POLQ: variants seen among roughly 807,000 people sequenced by gnomAD.
POLQ encodes DNA polymerase theta.
In POLQ, 233 loss-of-function variants were observed where a neutral mutation model predicts 259.2. That is an observed-to-expected ratio of 0.90 (90% CI 0.81 to 1.00). POLQ has a LOEUF of 1.00. Among genes scored for constraint, POLQ ranks in the 50% least tolerant of loss-of-function variants. The probability of loss-of-function intolerance (pLI) is 0.00; values close to 1 mark genes in which losing one functional copy is unlikely to be tolerated. For synonymous variants in POLQ, 1,025 were observed against 1,048.8 expected, an observed-to-expected ratio of 0.98 and a Z score of 0.44; for missense variants, 2,871 against 3,051.6, an observed-to-expected ratio of 0.94 and a Z score of 1.39.
intron 24 of POLQ, among the ~76,000 whole-genome samples, chr3:121,463,745 T>C (rs2047812250): frequency 6.6e-6 from 1 of 152,230 alleles, no homozygotes; most frequent in Admixed American, 6.5e-5. Context: ...GACAATGCTC[T>C]AGCTTTGTCA....
In POLQ at chr3:121,460,060, T is replaced by C. The variant is rs1405309744; in HGVS notation, c.7142A>G (p.Gln2381Arg). 6.2e-7 allele frequency: 1 copy of C among 1,613,560 alleles called. No individual in the cohort carries two copies. The highest frequency in any genetic ancestry group is 8.5e-7 in the Non-Finnish European group (1 of 1,179,616). ...GTTCACTAAAATCACCTGTTTTGCC[T>C]GCTGCCTCAGATCATCCCCAACAGA... ...PESVGDDLRQ[Q>R]AKQICYGIIY... Residue 2381 changes from glutamine to arginine, a missense_variant, in exon 25 of 30, where the codon CAG (glutamine) becomes CGG (arginine). Around this residue, in one of 3 missense-constraint regions of POLQ, gnomAD observed 2,080 missense variants for 2,126.0 expected, o/e 0.98. Coordinates refer to ENST00000264233, the MANE Select transcript of POLQ (RefSeq NM_199420.4).
chr3:121,460,159 A>T lies in POLQ; in HGVS notation c.7043T>A (p.Leu2348His). 6.2e-7 allele frequency: 1 copy of T among 1,613,256 alleles called. No individual in the cohort carries two copies. Among genetic ancestry groups the T allele is most frequent in the Non-Finnish European group, 8.5e-7 (1 of 1,179,170 alleles). Reference protein sequence around the residue: ...ILAHLSHDRRLIQVLNTGADV... With the variant: ...ILAHLSHDRRHIQVLNTGADV... The stretch of plus-strand genomic sequence containing the variant: ...AGCTCCAGTGTTTAACACTTGAATG[A>T]GACGACGATCATGGGATAAATGAGC... The change falls in exon 25 of 30, where the codon CTC (leucine) becomes CAC (histidine). Residue 2348 changes from leucine (L) to histidine (H), a missense_variant. Leu to His is a moderately conservative substitution (Grantham distance 99). Coordinates refer to ENST00000264233, the MANE Select transcript of POLQ (RefSeq NM_199420.4).
At chr3:121,443,559 T>A (rs1338271468) in intron 26 of POLQ, among the ~76,000 whole-genome samples, 2 of 152,182 alleles carry the variant, frequency 1.3e-5, no homozygotes, top group Non-Finnish European at 2.9e-5. Context: ...GTCTCTTCAC[T>A]TTGTTGGTTG....
intron 20 of POLQ, among the ~76,000 whole-genome samples, chr3:121,474,593 C>T (rs1005521555): frequency 5.3e-5 from 8 of 152,058 alleles, no homozygotes; most frequent in South Asian, 2.1e-4. Flanking sequence ...ACAAGTTGAG[C>T]CAGGGGTGGA....
chr3:121,446,360 T>C (rs1241268868), intron 26 of POLQ, among the ~76,000 whole-genome samples: 1 of 152,230 alleles, frequency 6.6e-6, no homozygotes, highest in Non-Finnish European at 1.5e-5. Context: ...ATATAGTCTA[T>C]CCTAGAGAAT....
At chr3:121,543,857 T>A (rs1296354375) in intron 2 of POLQ, among the ~76,000 whole-genome samples, 1 of 151,610 alleles carries the variant, frequency 6.6e-6, no homozygotes, top group Non-Finnish European at 1.5e-5. Context: ...GCAGCGGGCA[T>A]CTGTAATCCT....
Position 121,494,947 on chromosome 3 carries a change from A to G in POLQ, c.2279-1226T>C. 7 of 904,260 alleles carry G rather than the reference A, an allele frequency of 7.7e-6. No homozygotes were observed. In the South Asian group the frequency reaches 1.2e-4, roughly 15 times the overall value. The allele number at this position is 904,260 out of a possible 1,614,324, so 56.0% of individuals were successfully genotyped here. A position where few individuals can be genotyped will look rare whatever the true frequency, so the allele number is the denominator to read the frequency against. ...AGTTTTCTGTATATAAAAATAATTA[A>G]AATAATACAAATTTTCAAAAAAAAA... On this transcript the variant is annotated intron_variant, in intron 14 of 29. Transcript: ENST00000264233.
intron 28 of POLQ, among the ~76,000 whole-genome samples, chr3:121,433,448 T>C (rs2047518246): frequency 6.6e-6 from 1 of 152,160 alleles, no homozygotes; most frequent in Non-Finnish European, 1.5e-5. Flanking sequence ...AGGGGGACAC[T>C]CCCTCATGTC....
chr3:121,454,771 A>T (rs1296400761), intron 25 of POLQ, among the ~76,000 whole-genome samples: 4 of 152,198 alleles, frequency 2.6e-5, no homozygotes, highest in African/African-American at 7.2e-5. Flanking sequence ...AGACTCCCAC[A>T]CAATAATAAT....
intron 14 of POLQ, 45 bp from the exon 15 acceptor site, chr3:121,493,766 G>A (rs375544396): frequency 6.5e-7 from 1 of 1,539,798 alleles, no homozygotes; most frequent in African/African-American, 1.4e-5. Flanking sequence ...TTTTTTTACA[G>A]ACGAATTCTC....
At chr3:121,519,719 T>C in intron 9 of POLQ, 152 bp downstream of exon 9, 1 of 604,202 alleles carries the variant, frequency 1.7e-6, no homozygotes, top group South Asian at 2.1e-5. Flanking sequence ...ATACTCACTA[T>C]AAATATTAAG....
At chr3:121,503,365 A>G (rs1012463712) in intron 12 of POLQ, among the ~76,000 whole-genome samples, 1 of 152,220 alleles carries the variant, frequency 6.6e-6, no homozygotes. Context: ...AGAATGTATC[A>G]CTGTCCTTAA....
chr3:121,453,539 G>A (rs1258179940), intron 25 of POLQ, among the ~76,000 whole-genome samples: 2 of 152,180 alleles, frequency 1.3e-5, no homozygotes, highest in Admixed American at 6.5e-5. Flanking sequence ...ACAGAGAAGA[G>A]CTTAAAGGAG....
At chr3:121,458,465 G>A (rs948436851) in intron 25 of POLQ, among the ~76,000 whole-genome samples, 1 of 152,036 alleles carries the variant, frequency 6.6e-6, no homozygotes. Flanking sequence ...ATTTATTCTT[G>A]GTCTACCACT....
intron 26 of POLQ, among the ~76,000 whole-genome samples, chr3:121,442,920 C>T (rs557881275): frequency 9.9e-5 from 15 of 152,166 alleles, no homozygotes; most frequent in South Asian, 2.1e-4. Context: ...AGTGCAGTGG[C>T]GTGACCTCAG....
chr3:121,490,074 G>A lies in POLQ; in HGVS notation c.2857C>T (p.Pro953Ser). ...TTATTTAAGTCTTGCACTATATTTGGTGAATGCTTAATATAAGAATCACTA... is the reference window on the plus strand; with the variant it reads ...TTATTTAAGTCTTGCACTATATTTGATGAATGCTTAATATAAGAATCACTA... ...IFSDSYIKHS[P>S]NIVQDLNKSR... is the part of the protein sequence containing the mutation. Residue 953 changes from proline (P) to serine (S), a missense_variant, in exon 16 of 30, where the codon CCA becomes TCA. Around this residue, in one of 3 missense-constraint regions of POLQ, gnomAD observed 2,080 missense variants for 2,126.0 expected, o/e 0.98. Coordinates refer to ENST00000264233, the MANE Select transcript of POLQ (RefSeq NM_199420.4). 6.3e-7 allele frequency: 1 copy of A among 1,584,272 alleles called. No homozygotes were observed.
Position 121,498,546 on chromosome 3 carries a change from G to A in POLQ, c.2084C>T (p.Ala695Val), listed in dbSNP as rs1204147394. 6.2e-7 allele frequency: 1 copy of A among 1,613,932 alleles called. No individual in the cohort carries two copies. Among genetic ancestry groups the A allele is most frequent in the Non-Finnish European group, 8.5e-7 (1 of 1,179,932 alleles). Residue 695 changes from alanine (A) to valine (V), a missense_variant, in exon 13 of 30, where the codon GCC becomes GTC. Physicochemically the swap from Ala to Val is moderately conservative, Grantham distance 64 (BLOSUM62 0). This residue lies in a region of POLQ where 783 missense variants were observed against 906.2 expected (regional missense o/e 0.86). Transcript: ENST00000264233. The part of the protein sequence containing the change: ...ELVGVEEGFL[A>V]RCVKGKVVAR... ...TACTACTTTTCCTTTCACACAACGG[G>A]CCAAGAACCCCTCTTCAACTCCCAC...
Position 121,520,086 on chromosome 3 carries a change from A to T in POLQ, c.1256-3T>A, listed in dbSNP as rs779688328. On this transcript the variant is annotated splice_polypyrimidine_tract_variant and splice_region_variant and intron_variant, in intron 8 of 29. Transcript: ENST00000264233. ...ATCCCTCTCCTCAAAAGTAAGACCT[A>T]AAAAAAGGAGGTTTTTATATATTTA... is the stretch of plus-strand genomic sequence containing the variant. 5 of 1,577,672 alleles carry T rather than the reference A, an allele frequency of 3.2e-6. No homozygotes were observed. The highest frequency in any genetic ancestry group is 4.4e-6 in the Non-Finnish European group (5 of 1,149,334).
Position 121,489,057 on chromosome 3 carries a change from GT to G in POLQ, c.3873del (p.Gln1292LysfsTer20). 2 of 1,612,638 alleles carry G rather than the reference GT, an allele frequency of 1.2e-6. No homozygotes were observed. Among genetic ancestry groups the G allele is most frequent in the Non-Finnish European group, 1.7e-6 (2 of 1,179,188 alleles). On this transcript the variant is annotated frameshift_variant, in exon 16 of 30. Transcript: ENST00000264233. LOFTEE classifies it high-confidence loss of function. ...QHENFLNISR[L>X]QEKTGTYTTN... Reference sequence around the variant, plus strand: ...GTTGTATAAGTACCTGTTTTTTCTTGTAGTCTAGAAATATTTAGAAAATTCT... The same window carrying G: ...GTTGTATAAGTACCTGTTTTTTCTTGAGTCTAGAAATATTTAGAAAATTCT...
Sources: gnomAD v4.1 joint callset for allele counts (sites outside exome capture counted in the v4.1 genomes callset) on GRCh38, gnomAD v4.1.1 for gene constraint, gnomAD v4.1.1 regional missense constraint, MANE v1.5 for transcripts, NCBI Gene and HGNC (gene_info 2026-07-23, HGNC 2026-07-21) for gene names.